Variants in ELP4 observed in about 807,000 individuals in gnomAD.
ELP4 encodes elongator acetyltransferase complex subunit 4.
Under a neutral mutation model 48.9 loss-of-function variants are expected in ELP4, and 51 were observed. The observed-to-expected ratio is 1.04, with a 90% CI of 0.83 to 1.32. The LOEUF (loss-of-function observed/expected upper bound fraction) is 1.32, where lower values mean the gene tolerates loss of function less well. Among genes scored for constraint, ELP4 ranks in the 40% most tolerant of loss-of-function variants. ELP4 has a pLI of 0.00. For missense variants in ELP4, 519 were observed against 514.6 expected (o/e 1.01, Z -0.08); for synonymous variants, 210 against 189.2 (o/e 1.11, Z -0.90).
At chr11:31,696,239 A>G (rs1946403079) in intron 9 of ELP4, among the ~76,000 whole-genome samples, 1 of 151,954 alleles carries the variant, frequency 6.6e-6, no homozygotes, top group Admixed American at 6.6e-5. Context: ...TTGCTTCTCT[A>G]GTTCTTTTAA....
intron 9 of ELP4, among the ~76,000 whole-genome samples, chr11:31,688,320 C>T (rs1285169052): frequency 6.6e-6 from 1 of 152,072 alleles, no homozygotes; most frequent in African/African-American, 2.4e-5. Flanking sequence ...CCATCCTCAC[C>T]CCTGGGAGAT....
intron 3 of ELP4, among the ~76,000 whole-genome samples, chr11:31,571,048 T>C (rs979387286): frequency 6.6e-6 from 1 of 152,168 alleles, no homozygotes; most frequent in African/African-American, 2.4e-5. Context: ...TCTACCTGTC[T>C]CGGCCTCCCA....
chr11:31,690,796 CTTTTTTTTTTTT>C (rs10653769), intron 9 of ELP4, among the ~76,000 whole-genome samples: 2 of 109,612 alleles, frequency 1.8e-5, no homozygotes, highest in African/African-American at 3.4e-5. Flanking sequence ...GTTTTTTTTC[CTTTTTTTTTTTT>C]TTTTTTTGCC....
chr11:31,534,635 A>G (rs1272130782), intron 2 of ELP4, among the ~76,000 whole-genome samples: 2 of 152,176 alleles, frequency 1.3e-5, no homozygotes, highest in Non-Finnish European at 2.9e-5. Flanking sequence ...AAAACATAGA[A>G]AAAGTACTGA....
chr11:31,777,702 C>T (rs567888975), intron 9 of ELP4, among the ~76,000 whole-genome samples: 1 of 152,346 alleles, frequency 6.6e-6, no homozygotes, highest in African/African-American at 2.4e-5. Context: ...TTCCTGGCCT[C>T]TTTCTTCTCA....
chr11:31,688,907 C>G (rs1340873869), intron 9 of ELP4, among the ~76,000 whole-genome samples: 1 of 152,136 alleles, frequency 6.6e-6, no homozygotes, highest in Non-Finnish European at 1.5e-5. Context: ...CAGCTCTTAT[C>G]ATTGGGAGAA....
chr11:31,693,857 A>T (rs139689475), intron 9 of ELP4, among the ~76,000 whole-genome samples: 4,370 of 152,220 alleles, frequency 0.029, 209 homozygotes, highest in African/African-American at 0.1. Flanking sequence ...CGCCACTCTA[A>T]CTGGTATGAG....
At chr11:31,596,181 G>T (rs924595730) in intron 4 of ELP4, among the ~76,000 whole-genome samples, 3 of 152,122 alleles carry the variant, frequency 2.0e-5, no homozygotes, top group Non-Finnish European at 4.4e-5. Context: ...GAGGCGGGTG[G>T]ATCACAAGGT....
intron 9 of ELP4, among the ~76,000 whole-genome samples, chr11:31,710,241 G>A (rs1946712514): frequency 6.6e-6 from 1 of 152,148 alleles, no homozygotes; most frequent in African/African-American, 2.4e-5. Context: ...CTTTAAATAG[G>A]TCTTGAAAAA....
At chr11:31,634,974 A>G (rs1033456751) in intron 7 of ELP4, among the ~76,000 whole-genome samples, 5 of 151,940 alleles carry the variant, frequency 3.3e-5, no homozygotes, top group African/African-American at 1.2e-4. Flanking sequence ...AAGTTATCAT[A>G]TAGTAGTCTT....
chr11:31,656,769 A>C (rs1945444787), intron 9 of ELP4, among the ~76,000 whole-genome samples: 1 of 152,042 alleles, frequency 6.6e-6, no homozygotes, highest in African/African-American at 2.4e-5. Context: ...TGCAAAGGGG[A>C]AAAGGTCTCT....
At chr11:31,776,152 CAAAAA>C (rs371572032) in intron 9 of ELP4, among the ~76,000 whole-genome samples, 2 of 51,720 alleles carry the variant, frequency 3.9e-5, no homozygotes, top group South Asian at 9.1e-4. Flanking sequence ...CCCTATCTCA[CAAAAA>C]AAAAAAAAAA....
chr11:31,653,493 T>C (rs1180427482), intron 9 of ELP4: 1 of 151,710 alleles, frequency 6.6e-6, no homozygotes, highest in African/African-American at 2.4e-5. Context: ...CTATACGAGC[T>C]TAGTTATATT....
At chr11:31,574,508 A>G (rs1187090183) in intron 3 of ELP4, among the ~76,000 whole-genome samples, 1 of 152,230 alleles carries the variant, frequency 6.6e-6, no homozygotes, top group Non-Finnish European at 1.5e-5. Flanking sequence ...CTGACCCCTG[A>G]GTAACCTAAC....
chr11:31,572,034 C>G (rs2133957716), intron 3 of ELP4, among the ~76,000 whole-genome samples: 1 of 152,274 alleles, frequency 6.6e-6, no homozygotes, highest in Admixed American at 6.5e-5. Flanking sequence ...GTCAGCCTGT[C>G]GTTTGAAGCT....
At chr11:31,597,930 A>T (rs973911629) in intron 4 of ELP4, among the ~76,000 whole-genome samples, 2 of 148,944 alleles carry the variant, frequency 1.3e-5, no homozygotes, top group African/African-American at 4.9e-5. Context: ...AATGCAAGTA[A>T]CTAAAGCTTT....
chr11:31,517,341 C>A (rs1416961155), intron 1 of ELP4, among the ~76,000 whole-genome samples: 3 of 151,870 alleles, frequency 2.0e-5, no homozygotes, highest in Non-Finnish European at 4.4e-5. Flanking sequence ...CGGGCCACCA[C>A]ATCTGGCTAA....
chr11:31,695,541 G>A (rs573901790), intron 9 of ELP4, among the ~76,000 whole-genome samples: 1 of 151,316 alleles, frequency 6.6e-6, no homozygotes, highest in Non-Finnish European at 1.5e-5. Context: ...TTTTTGATGT[G>A]CTGCTGGATT....
chr11:31,726,287 G>A (rs1458592179), intron 9 of ELP4, among the ~76,000 whole-genome samples: 1 of 152,130 alleles, frequency 6.6e-6, no homozygotes, highest in Non-Finnish European at 1.5e-5. Context: ...AGTGACCTGT[G>A]GGAAATGGAA....
Sources: gnomAD v4.1 joint callset for allele counts (sites outside exome capture counted in the v4.1 genomes callset) on GRCh38, gnomAD v4.1.1 for gene constraint, MANE v1.5 for transcripts, NCBI Gene and HGNC (gene_info 2026-07-23, HGNC 2026-07-21) for gene names.